Variants in KIAA0825 observed in about 807,000 individuals in gnomAD.
KIAA0825 encodes the protein uncharacterized protein KIAA0825.
KIAA0825 carries 119 observed loss-of-function variants against 147.6 expected under a neutral mutation model. The observed-to-expected ratio is 0.81, with a 90% confidence interval of 0.69 to 0.94. The LOEUF is 0.94. KIAA0825 is among the 40% of genes least tolerant of loss of function. The pLI is 0.00. For synonymous variants in KIAA0825, 470 were observed against 518.1 expected (o/e 0.91, Z 1.26); for missense variants, 1,381 against 1,472.7 (o/e 0.94, Z 1.02).
intron 5 of KIAA0825, among the ~76,000 whole-genome samples, chr5:94,499,302 G>A (rs1764750513): frequency 6.6e-6 from 1 of 152,264 alleles, no homozygotes; most frequent in East Asian, 1.9e-4. Context: ...TCCATGCTGT[G>A]AACATCCCTC....
intron 20 of KIAA0825, among the ~76,000 whole-genome samples, chr5:94,317,913 T>C (rs1779798770): frequency 6.6e-6 from 1 of 151,876 alleles, no homozygotes; most frequent in Non-Finnish European, 1.5e-5. Context: ...TTACAATGCC[T>C]CATGTTAAAA....
intron 17 of KIAA0825, among the ~76,000 whole-genome samples, chr5:94,394,489 T>C (rs1750358976): frequency 6.6e-6 from 1 of 152,188 alleles, no homozygotes; most frequent in East Asian, 1.9e-4. Context: ...GTATAGGAGA[T>C]ACCAGATGTG....
chr5:94,267,861 T>C (rs1776803660), intron 20 of KIAA0825, among the ~76,000 whole-genome samples: 1 of 152,158 alleles, frequency 6.6e-6, no homozygotes, highest in Non-Finnish European at 1.5e-5. Context: ...ATAAATATGT[T>C]AAGTTTGCAG....
chr5:94,390,843 G>T (rs1749800261), intron 18 of KIAA0825, among the ~76,000 whole-genome samples: 1 of 152,114 alleles, frequency 6.6e-6, no homozygotes, highest in South Asian at 2.1e-4. Flanking sequence ...TTACATTCAT[G>T]TATTTGCAAA....
At chr5:94,535,325 T>C (rs891149882) in intron 3 of KIAA0825, among the ~76,000 whole-genome samples, 3 of 151,592 alleles carry the variant, frequency 2.0e-5, no homozygotes, top group Non-Finnish European at 4.4e-5. Flanking sequence ...GCCTGGCCAA[T>C]GTCGTGAAAC....
At chr5:94,484,658 A>G in intron 6 of KIAA0825, 111 bp downstream of exon 6, 6 of 670,544 alleles carry the variant, frequency 8.9e-6, no homozygotes, top group Non-Finnish European at 1.4e-5. Context: ...GCTTATTTAA[A>G]GAATTCTTTC....
chr5:94,287,540 CAA>C (rs1435778899), intron 20 of KIAA0825, among the ~76,000 whole-genome samples: 1 of 152,028 alleles, frequency 6.6e-6, no homozygotes, highest in Non-Finnish European at 1.5e-5. Context: ...ACTTTCAAAA[CAA>C]TTATTGTATA....
intron 20 of KIAA0825, among the ~76,000 whole-genome samples, chr5:94,230,819 A>G (rs935336015): frequency 1.3e-5 from 2 of 152,174 alleles, no homozygotes; most frequent in African/African-American, 2.4e-5. Context: ...TGTGCCACTC[A>G]TACACATCAG....
intron 20 of KIAA0825, among the ~76,000 whole-genome samples, chr5:94,157,894 G>A (rs1767182035): frequency 6.6e-6 from 1 of 152,130 alleles, no homozygotes; most frequent in Non-Finnish European, 1.5e-5. Flanking sequence ...GGTCCAGGCT[G>A]TCACAGAAGC....
At chr5:94,204,822 C>G (rs973826935) in intron 20 of KIAA0825, among the ~76,000 whole-genome samples, 2 of 152,140 alleles carry the variant, frequency 1.3e-5, no homozygotes, top group African/African-American at 4.8e-5. Flanking sequence ...GGAATAACTT[C>G]CATATCTGGT....
At position 94,386,343 on chromosome 5, in the gene KIAA0825, C is replaced by G. The variant is rs969798883; in HGVS notation, c.3518G>C (p.Arg1173Pro). ...ACTCCTCAAGGTCGTCTTTAAAGGTCGGATGGGTAATGGCTTTTCCTCTGA... is the reference window on the plus strand; with the variant it reads ...ACTCCTCAAGGTCGTCTTTAAAGGTGGGATGGGTAATGGCTTTTCCTCTGA... ...NSSEEKPLPI[R>P]PLKTTLRSIE... The change falls in exon 19 of 21, where the codon CGA (arginine) becomes CCA (proline). Residue 1173 changes from arginine to proline, a missense_variant. Physicochemically the swap from Arg to Pro is moderately radical, Grantham distance 103. Transcript: ENST00000682413. 2.6e-6 allele frequency: 4 copies of G among 1,551,636 alleles called. No homozygotes were observed. Among genetic ancestry groups the G allele is most frequent in the East Asian group, 2.4e-5 (1 of 40,874 alleles).
rs1561268151 is a variant in KIAA0825, at chr5:94,529,275, G to GTATA, written c.132-5178_132-5177insTATA. 3.4e-3 allele frequency among the ~76,000 whole-genome samples: 368 copies of GTATA among 108,404 alleles called. 3 individuals carry two copies. Among genetic ancestry groups the GTATA allele is most frequent in the African/African-American group, 0.017 (346 of 20,564 alleles). The allele number at this position is 108,404 out of a possible 152,430, so 71.1% of individuals were successfully genotyped here. A position where few individuals can be genotyped will look rare whatever the true frequency, so the allele number is the denominator to read the frequency against. ...ATATGTATATATCATATATATGTAT[G>GTATA]TATCATATATATGTATATATCATAT... On this transcript the variant is annotated intron_variant, in intron 3 of 20. Coordinates refer to ENST00000682413, the MANE Select transcript of KIAA0825 (RefSeq NM_001145678.3).
chr5:94,617,529 C>A (rs1404671940), intron 1 of KIAA0825, among the ~76,000 whole-genome samples: 2 of 150,922 alleles, frequency 1.3e-5, no homozygotes, highest in Non-Finnish European at 1.5e-5. Context: ...AGGAGCATAC[C>A]CATAAAAAAA....
At chr5:94,240,422 C>T (rs904170841) in intron 20 of KIAA0825, among the ~76,000 whole-genome samples, 21 of 152,242 alleles carry the variant, frequency 1.4e-4, no homozygotes, top group Admixed American at 2.0e-4. Flanking sequence ...GGGTGGAAAC[C>T]GAATGTACAC....
chr5:94,573,128 TG>T (rs200454262), intron 2 of KIAA0825, among the ~76,000 whole-genome samples: 1 of 27,742 alleles, frequency 3.6e-5, no homozygotes, highest in Non-Finnish European at 7.1e-5. Context: ...TTGGGGGGGT[TG>T]GGGGGGTTGT....
intron 20 of KIAA0825, among the ~76,000 whole-genome samples, chr5:94,373,332 C>T (rs1747000960): frequency 6.6e-6 from 1 of 152,134 alleles, no homozygotes; most frequent in Non-Finnish European, 1.5e-5. Context: ...TGTATTAGTT[C>T]CTTCTCATGC....
intron 11 of KIAA0825, among the ~76,000 whole-genome samples, chr5:94,463,309 A>G (rs2150957800): frequency 6.6e-6 from 1 of 151,018 alleles, no homozygotes; most frequent in East Asian, 1.9e-4. Flanking sequence ...TAGAAAATGA[A>G]AATTTTGAAG....
intron 6 of KIAA0825, among the ~76,000 whole-genome samples, chr5:94,483,709 A>T (rs561157104): frequency 3.9e-5 from 6 of 151,912 alleles, no homozygotes; most frequent in African/African-American, 1.2e-4. Context: ...TGTTACCTAA[A>T]TTTCACCTGA....
At chr5:94,243,069 G>T (rs889110977) in intron 20 of KIAA0825, among the ~76,000 whole-genome samples, 1 of 152,172 alleles carries the variant, frequency 6.6e-6, no homozygotes, top group African/African-American at 2.4e-5. Flanking sequence ...GCAAGTTATA[G>T]AAACAACGGA....
Sources: allele counts gnomAD v4.1 joint callset (sites outside exome capture counted in the v4.1 genomes callset), GRCh38; gene constraint gnomAD v4.1.1; transcripts MANE v1.5; gene names NCBI Gene and HGNC (gene_info 2026-07-23, HGNC 2026-07-21).